Variants in CLBA1 observed in about 807,000 individuals in gnomAD.
CLBA1 encodes uncharacterized protein CLBA1.
Under a neutral mutation model 28.8 loss-of-function variants are expected in CLBA1, and 30 were observed. That is an observed-to-expected ratio of 1.04 (90% CI 0.78 to 1.41). The LOEUF (loss-of-function observed/expected upper bound fraction) is 1.41, where lower values mean the gene tolerates loss of function less well. Among genes scored for constraint, CLBA1 ranks in the 40% most tolerant of loss-of-function variants. CLBA1 has a pLI of 0.00. For synonymous variants in CLBA1, 160 were observed against 152.8 expected (o/e 1.05, Z -0.35); for missense variants, 451 against 412.3 (o/e 1.09, Z -0.81).
At position 104,993,007 on chromosome 14, in the gene CLBA1, A is replaced by T; in HGVS notation, c.759A>T (p.Gly253=). ...ATTGTGACCTCAAAGAGCCTGAAGG[A>T]CTCCTCACTGTCAGCAGCTTCTGTC... The part of the protein sequence containing the change: ...MEDCDLKEPE[G]LLTVSSFCLQ... The change falls in exon 4 of 5, where the codon GGA becomes GGT. Residue 253 remains glycine (G), a synonymous_variant. Transcript: ENST00000547315. 6.2e-7 allele frequency: 1 copy of T among 1,613,810 alleles called. No individual in the cohort carries two copies. The highest frequency in any genetic ancestry group is 8.5e-7 in the Non-Finnish European group (1 of 1,179,950).
intron 4 of CLBA1, chr14:104,993,890 G>A: frequency 1.0e-6 from 1 of 985,420 alleles, no homozygotes; most frequent in Non-Finnish European, 1.2e-6. Flanking sequence ...GGCCTGGTAG[G>A]AGGTAACAAG....
In CLBA1 at chr14:104,986,665, G is replaced by T. The variant is rs377118470; in HGVS notation, c.234G>T (p.Trp78Cys). 159 of 1,613,988 alleles carry T rather than the reference G, an allele frequency of 9.9e-5. No homozygotes were observed. The highest frequency in any genetic ancestry group is 1.3e-4 in the Non-Finnish European group (148 of 1,180,022). Residue 78 changes from tryptophan to cysteine, a missense_variant, in exon 1 of 5, where the codon TGG becomes TGT. Trp to Cys is a radical substitution (Grantham distance 215). Transcript: ENST00000547315. ...ACCCTGGGGAACACAGCAGCACTTGGGGGGAGTTTGAAGGCTTTCGGGAAT... is the reference window on the plus strand; with the variant it reads ...ACCCTGGGGAACACAGCAGCACTTGTGGGGAGTTTGAAGGCTTTCGGGAAT... Reference protein sequence around the residue: ...CPDPGEHSSTWGEFEGFRESS... With the variant: ...CPDPGEHSSTCGEFEGFRESS...
chr14:104,987,637 T>TTTTTG (rs1327414333), intron 1 of CLBA1, among the ~76,000 whole-genome samples: 1 of 120,482 alleles, frequency 8.3e-6, no homozygotes, highest in South Asian at 2.7e-4. Flanking sequence ...TTTTTTTTTT[T>TTTTTG]GAGACAGCCT....
chr14:104,996,559 C>T (rs536643284), downstream of CLBA1, among the ~76,000 whole-genome samples: 1 of 152,220 alleles, frequency 6.6e-6, no homozygotes, highest in Non-Finnish European at 1.5e-5. Flanking sequence ...AGCAGGGGAG[C>T]TGGGACAGTG....
chr14:105,001,260 CCAAGG>C (rs941809062), intron 2 of CLBA1, among the ~76,000 whole-genome samples: 1 of 152,140 alleles, frequency 6.6e-6, no homozygotes, highest in Admixed American at 6.5e-5. Flanking sequence ...CTTTGGGAGG[CCAAGG>C]CAAGAGGATC....
chr14:105,000,217 G>A (rs1370488137), downstream of CLBA1, among the ~76,000 whole-genome samples: 1 of 151,770 alleles, frequency 6.6e-6, no homozygotes, highest in Non-Finnish European at 1.5e-5. Context: ...CAACGTAACA[G>A]GAAGAAAACC....
chr14:104,991,421 C>A, intron 2 of CLBA1, 70 bp from the exon 3 acceptor site: 1 of 1,594,788 alleles, frequency 6.3e-7, no homozygotes, highest in Non-Finnish European at 8.6e-7. Flanking sequence ...CTGCGTGCCT[C>A]GGGCCGTGCC....
chr14:104,991,450 G>A (rs2140897072), intron 2 of CLBA1, 41 bp from the exon 3 acceptor site: 1 of 1,611,242 alleles, frequency 6.2e-7, no homozygotes, highest in East Asian at 2.2e-5. Flanking sequence ...TCCTCAGAAG[G>A]CTCTCAAGGT....
rs1424427124 is a variant in CLBA1 at position 104,994,272 on chromosome 14, G to T, written c.817-326G>T. The T allele has an allele frequency of 3.0e-6, 3 of 985,304 alleles. No homozygotes were observed. In the East Asian group the frequency reaches 3.4e-4, roughly 112 times the overall value. The allele number at this position is 985,304 out of a possible 1,614,324, so 61.0% of individuals were successfully genotyped here. On this transcript the variant is annotated intron_variant, in intron 4 of 4. Transcript: ENST00000547315. ...GTCCAAGAGTGGCTACTGGAGGGCTGTGAGTGTGCAGGGTAGTGGCAGCCT... is the reference window on the plus strand; with the variant it reads ...GTCCAAGAGTGGCTACTGGAGGGCTTTGAGTGTGCAGGGTAGTGGCAGCCT...
At chr14:104,990,657 G>A (rs1899994497) in intron 2 of CLBA1, 1 of 152,316 alleles carries the variant, frequency 6.6e-6, no homozygotes, top group Non-Finnish European at 1.5e-5. Context: ...GACCTTCTCA[G>A]TCCCTCACAG....
Position 104,986,661 on chromosome 14 carries a change from C to T in CLBA1, c.230C>T (p.Thr77Ile), listed in dbSNP as rs1286389100. ...RCPDPGEHSS[T>I]WGEFEGFRES... The stretch of plus-strand genomic sequence containing the variant: ...CCTGACCCTGGGGAACACAGCAGCA[C>T]TTGGGGGGAGTTTGAAGGCTTTCGG... Residue 77 changes from threonine to isoleucine, a missense_variant, in exon 1 of 5, where the codon ACT becomes ATT. Thr to Ile is a moderately conservative substitution (Grantham distance 89). Transcript: ENST00000547315. The T allele has an allele frequency of 1.9e-6, 3 of 1,614,146 alleles. No individual in the cohort carries two copies. Among genetic ancestry groups the T allele is most frequent in the South Asian group, 1.1e-5 (1 of 91,086 alleles).
chr14:104,989,970 T>G, intron 2 of CLBA1: 1 of 287,162 alleles, frequency 3.5e-6, no homozygotes, highest in South Asian at 3.1e-5. Flanking sequence ...CTACAGGGGC[T>G]TGAGGACAGA....
At position 104,986,504 on chromosome 14, in the gene CLBA1, C is replaced by G; in HGVS notation, c.73C>G (p.Arg25Gly). Residue 25 changes from arginine (R) to glycine (G), a missense_variant, in exon 1 of 5, where the codon CGA becomes GGA. Arg to Gly is a moderately radical substitution (Grantham distance 125). Transcript: ENST00000547315. ...LQEEAASASL[R>G]VAPERLSDDS... ...GGAGGAAGCAGCCAGCGCTTCCCTC[C>G]GAGTGGCACCTGAGAGGCTGAGTGA... 1.2e-6 allele frequency: 2 copies of G among 1,613,766 alleles called. No individual in the cohort carries two copies. Among genetic ancestry groups the G allele is most frequent in the Non-Finnish European group, 1.7e-6 (2 of 1,180,018 alleles).
rs533157828 is a variant in CLBA1, at chr14:104,993,959, C to T, written c.817-639C>T. ...GCATAGCACAGGAGGCAGCCAGGGT[C>T]AGCTTCTGGGCAAGAATTAGGCATG... On this transcript the variant is annotated intron_variant, in intron 4 of 4. Transcript: ENST00000547315. 7 of 985,022 alleles carry T rather than the reference C, an allele frequency of 7.1e-6. No homozygotes were observed. In the African/African-American group the frequency reaches 1.2e-4, roughly 17 times the overall value. The allele number at this position is 985,022 out of a possible 1,614,324, so 61.0% of individuals were successfully genotyped here.
Position 104,986,354 on chromosome 14 carries a change from C to A in CLBA1, c.-78C>A. 6.7e-7 allele frequency: 1 copy of A among 1,481,560 alleles called. No homozygotes were observed. Among genetic ancestry groups the A allele is most frequent in the Non-Finnish European group, 9.1e-7 (1 of 1,102,986 alleles). 91.8% of individuals were successfully genotyped at this position (1,481,560 alleles called of 1,614,324 possible). On this transcript the variant is annotated 5_prime_UTR_variant, in exon 1 of 5. Coordinates refer to ENST00000547315, the MANE Select transcript of CLBA1 (RefSeq NM_174891.4). Reference sequence around the variant, plus strand: ...CCAGGGCAGGGGAAGGTTGGGCAGTCCTGGGCGGCCAGCACCCCGGCGTGC... The same window carrying A: ...CCAGGGCAGGGGAAGGTTGGGCAGTACTGGGCGGCCAGCACCCCGGCGTGC...
Position 104,991,513 on chromosome 14 carries a change from A to G in CLBA1, c.592A>G (p.Arg198Gly). ...CAGTAACGAATCCAGAAAACTCTGG[A>G]GAGCCCTTCAGAGCATACACACCAC... Reference protein sequence around the residue: ...KLCNESRKLWRALQSIHTTST... With the variant: ...KLCNESRKLWGALQSIHTTST... Residue 198 changes from arginine to glycine, a missense_variant, in exon 3 of 5, where the codon AGA becomes GGA. Transcript: ENST00000547315. 1.2e-6 allele frequency: 2 copies of G among 1,614,056 alleles called. No homozygotes were observed. Among genetic ancestry groups the G allele is most frequent in the Non-Finnish European group, 1.7e-6 (2 of 1,179,890 alleles).
At chr14:104,997,134 C>T (rs1595446829), downstream of CLBA1, among the ~76,000 whole-genome samples, 1 of 152,084 alleles carries the variant, frequency 6.6e-6, no homozygotes, top group African/African-American at 2.4e-5. Context: ...GTGGAAATGG[C>T]GGGTGACATT....
At chr14:104,992,307 G>A (rs1163326198) in intron 3 of CLBA1, among the ~76,000 whole-genome samples, 3 of 152,228 alleles carry the variant, frequency 2.0e-5, no homozygotes, top group Non-Finnish European at 4.4e-5. Context: ...ACGTGCTCAA[G>A]CTCCTGGGCT....
rs1461258096 is a variant in CLBA1, at chr14:104,992,090, C to T, written c.699+470C>T. The stretch of plus-strand genomic sequence containing the variant: ...CACGCACACCCCGCCACGCACATGC[C>T]TCACACACCACCACATGCCGCCATG... On this transcript the variant is annotated intron_variant, in intron 3 of 4. Transcript: ENST00000547315. 2.0e-5 allele frequency among the ~76,000 whole-genome samples: 3 copies of T among 149,226 alleles called. No individual in the cohort carries two copies. The East Asian group carries it at 6.0e-4, about 30-fold the overall frequency.
Sources: gnomAD v4.1 joint callset for allele counts (sites outside exome capture counted in the v4.1 genomes callset) on GRCh38, gnomAD v4.1.1 for gene constraint, MANE v1.5 for transcripts, NCBI Gene and HGNC (gene_info 2026-07-23, HGNC 2026-07-21) for gene names.